The following FMN1 variants were observed in gnomAD, a reference collection of about 807,000 sequenced individuals.
FMN1 encodes the protein formin 1.
FMN1 carries 110 observed loss-of-function variants against 132.4 expected under a neutral mutation model. That is an observed-to-expected ratio of 0.83 (90% CI 0.71 to 0.97). FMN1 has a LOEUF of 0.97. Ranked by LOEUF, FMN1 falls within the 50% of genes least tolerant of loss-of-function variation. The probability of loss-of-function intolerance (pLI) is 0.00; values close to 1 mark genes in which losing one functional copy is unlikely to be tolerated. For synonymous variants in FMN1, 722 were observed against 651.7 expected (o/e 1.11, Z -1.64); for missense variants, 1,792 against 1,705.3 (o/e 1.05, Z -0.90).
intron 17 of FMN1, among the ~76,000 whole-genome samples, chr15:32,846,855 T>C (rs2058868623): frequency 6.6e-6 from 1 of 152,326 alleles, no homozygotes; most frequent in East Asian, 1.9e-4. Flanking sequence ...GTGGTACATA[T>C]ATACCATGGA....
rs201922335 is a variant in FMN1 at position 33,153,389 on chromosome 15, G to A, written c.1526C>T (p.Ser509Leu). ...ALGKVFNNSASQSSTHKQTSP... is the reference protein window; with the variant it reads ...ALGKVFNNSALQSSTHKQTSP... ...CGTCTGTTTGTGTGTGCTGGACTGCGAGGCTGAATTATTAAACACCTTGCC... is the reference window on the plus strand; with the variant it reads ...CGTCTGTTTGTGTGTGCTGGACTGCAAGGCTGAATTATTAAACACCTTGCC... Residue 509 changes from serine to leucine, a missense_variant, in exon 4 of 21, where the codon TCG becomes TTG. This residue lies in a region of FMN1 where 638 missense variants were observed against 645.2 expected (regional missense o/e 0.99). Transcript: ENST00000616417. 1.1e-3 allele frequency: 1,734 copies of A among 1,536,630 alleles called. 1 individual carries two copies. Among genetic ancestry groups the A allele is most frequent in the Non-Finnish European group, 1.4e-3 (1,662 of 1,146,984 alleles).
At chr15:32,996,560 GGC>G (rs986828664) in intron 7 of FMN1, among the ~76,000 whole-genome samples, 9 of 152,006 alleles carry the variant, frequency 5.9e-5, no homozygotes, top group Admixed American at 4.6e-4. Flanking sequence ...AGGGTAAGAG[GGC>G]CACCTCATAA....
At chr15:32,859,308 T>G (rs78045686) in intron 16 of FMN1, among the ~76,000 whole-genome samples, 7,883 of 152,222 alleles carry the variant, frequency 0.052, 674 homozygotes, top group African/African-American at 0.17. Context: ...AATTCAAACT[T>G]CGGGGACTTG....
chr15:32,964,473 A>C (rs1449782061), intron 8 of FMN1, among the ~76,000 whole-genome samples: 1 of 152,268 alleles, frequency 6.6e-6, no homozygotes, highest in Non-Finnish European at 1.5e-5. Flanking sequence ...TTTCCAAAAA[A>C]GTAATTGTCA....
intron 8 of FMN1, 127 bp downstream of exon 8, chr15:32,968,587 G>C: frequency 7.3e-7 from 1 of 1,373,250 alleles, no homozygotes; most frequent in Non-Finnish European, 9.8e-7. Flanking sequence ...GTTTATCCAA[G>C]CATTCACTGT....
intron 4 of FMN1, among the ~76,000 whole-genome samples, chr15:33,124,636 C>G (rs1224212931): frequency 6.6e-6 from 1 of 152,138 alleles, no homozygotes; most frequent in Non-Finnish European, 1.5e-5. Flanking sequence ...TATTTGGTAT[C>G]TAATAATCTG....
At position 32,964,172 on chromosome 15, in the gene FMN1, C is replaced by T; in HGVS notation, c.3073G>A (p.Asp1025Asn). The T allele has an allele frequency of 6.2e-7, 1 of 1,613,182 alleles. No homozygotes were observed. Among genetic ancestry groups the T allele is most frequent in the East Asian group, 2.2e-5 (1 of 44,850 alleles). ...PSEFEYLFSKDTTQQKKKPLS... is the reference protein window; with the variant it reads ...PSEFEYLFSKNTTQQKKKPLS... The stretch of plus-strand genomic sequence containing the variant: ...GGTTTTTTCTTCTGTTGAGTTGTGT[C>T]TTTGGAGAATAAATACTCAAATTCA... Residue 1025 changes from aspartate to asparagine, a missense_variant, in exon 9 of 21, where the codon GAC (aspartate) becomes AAC (asparagine). This residue lies in a region of FMN1 where 1,150 missense variants were observed against 1,043.1 expected (regional missense o/e 1.10). Transcript: ENST00000616417.
At chr15:32,868,456 G>C (rs546949872) in intron 16 of FMN1, among the ~76,000 whole-genome samples, 3 of 152,226 alleles carry the variant, frequency 2.0e-5, no homozygotes, top group Admixed American at 6.5e-5. Flanking sequence ...GTGTGAAGTA[G>C]GCTACACCAT....
At chr15:33,031,597 G>A (rs1230450277) in intron 6 of FMN1, among the ~76,000 whole-genome samples, 2 of 152,088 alleles carry the variant, frequency 1.3e-5, no homozygotes, top group Non-Finnish European at 2.9e-5. Flanking sequence ...TTTCATGAAG[G>A]CAACTCCTGG....
intron 16 of FMN1, among the ~76,000 whole-genome samples, chr15:32,875,665 T>G (rs1295835019): frequency 9.9e-5 from 15 of 152,144 alleles, no homozygotes; most frequent in Non-Finnish European, 7.3e-5. Flanking sequence ...TCCAGTCCCC[T>G]TTGCAGGGGC....
At position 33,153,398 on chromosome 15, in the gene FMN1, T is replaced by C. The variant is rs1766550432; in HGVS notation, c.1517A>G (p.Asn506Ser). Reference protein sequence around the residue: ...APAALGKVFNNSASQSSTHKQ... With the variant: ...APAALGKVFNSSASQSSTHKQ... ...GTGTGTGCTGGACTGCGAGGCTGAA[T>C]TATTAAACACCTTGCCAAGAGCTGC... is the stretch of plus-strand genomic sequence containing the variant. The change falls in exon 4 of 21, where the codon AAT (asparagine) becomes AGT (serine). Residue 506 changes from asparagine to serine, a missense_variant. Physicochemically the swap from Asn to Ser is conservative, Grantham distance 46 (BLOSUM62 1). Coordinates refer to ENST00000616417, the MANE Select transcript of FMN1 (RefSeq NM_001277313.2). The C allele has an allele frequency of 6.5e-7, 1 of 1,536,506 alleles. No individual in the cohort carries two copies. The highest frequency in any genetic ancestry group is 8.7e-7 in the Non-Finnish European group (1 of 1,146,996).
intron 7 of FMN1, among the ~76,000 whole-genome samples, chr15:32,974,690 G>C (rs1331622588): frequency 6.6e-6 from 1 of 152,194 alleles, no homozygotes; most frequent in African/African-American, 2.4e-5. Context: ...TCCAATGGGA[G>C]CCAGAGGTGA....
At chr15:33,131,722 G>A (rs1020795804) in intron 4 of FMN1, among the ~76,000 whole-genome samples, 1 of 152,128 alleles carries the variant, frequency 6.6e-6, no homozygotes, top group African/African-American at 2.4e-5. Flanking sequence ...GGAAACTGAT[G>A]GGGAGGGGAG....
At chr15:33,043,608 C>T (rs1351075779) in intron 6 of FMN1, among the ~76,000 whole-genome samples, 3 of 152,212 alleles carry the variant, frequency 2.0e-5, no homozygotes, top group African/African-American at 7.2e-5. Context: ...CAGATGGTGT[C>T]AGAAGTGGGA....
chr15:33,116,049 A>G (rs1397691310), intron 4 of FMN1, among the ~76,000 whole-genome samples: 2 of 152,200 alleles, frequency 1.3e-5, no homozygotes, highest in African/African-American at 4.8e-5. Context: ...CCTTAAAGGT[A>G]TATCCAGAAA....
intron 16 of FMN1, among the ~76,000 whole-genome samples, chr15:32,867,992 A>G (rs1220022128): frequency 3.9e-5 from 6 of 152,242 alleles, no homozygotes; most frequent in African/African-American, 4.8e-5. Flanking sequence ...TTTGCTAAAT[A>G]AATGAATAAA....
intron 16 of FMN1, among the ~76,000 whole-genome samples, chr15:32,868,976 C>G (rs1343542885): frequency 6.6e-6 from 1 of 152,106 alleles, no homozygotes; most frequent in Non-Finnish European, 1.5e-5. Context: ...GCCTCTATTT[C>G]AGACTGGGCC....
rs1415482430 is a variant in FMN1, at chr15:33,153,528, G to A, written c.1387C>T (p.Pro463Ser). ...ETRNKRRAGL[P>S]LGGHKSLFLD... ...AACAAGGACTTGTGGCCACCAAGGG[G>A]CAACCCGGCTCTCCTCTTGTTTCTC... Residue 463 changes from proline to serine, a missense_variant, in exon 4 of 21, where the codon CCC (proline) becomes TCC (serine). Physicochemically the swap from Pro to Ser is moderately conservative, Grantham distance 74 (BLOSUM62 -1). Transcript: ENST00000616417. 3 of 1,536,260 alleles carry A rather than the reference G, an allele frequency of 2.0e-6. No individual in the cohort carries two copies. The highest frequency in any genetic ancestry group is 2.7e-5 in the African/African-American group (2 of 73,054).
Position 32,799,656 on chromosome 15 carries a change from C to G in FMN1, c.3981-703G>C, listed in dbSNP as rs572845775. Among the ~76,000 whole-genome samples the G allele has an allele frequency of 3.9e-5, 6 of 152,330 alleles. No individual in the cohort carries two copies. The East Asian group carries it at 1.2e-3, about 29-fold the overall frequency. On this transcript the variant is annotated intron_variant, in intron 18 of 20. Coordinates refer to ENST00000616417, the MANE Select transcript of FMN1 (RefSeq NM_001277313.2). ...TTGGAAAAATGATCTCCAGTCTGGTCAGTAAAGAATCCCAATTTTCCAGAG... is the reference window on the plus strand; with the variant it reads ...TTGGAAAAATGATCTCCAGTCTGGTGAGTAAAGAATCCCAATTTTCCAGAG...
Sources: gnomAD v4.1 joint callset for allele counts (sites outside exome capture counted in the v4.1 genomes callset) on GRCh38, gnomAD v4.1.1 for gene constraint, gnomAD v4.1.1 regional missense constraint, MANE v1.5 for transcripts, NCBI Gene and HGNC (gene_info 2026-07-23, HGNC 2026-07-21) for gene names.